TNC: variants seen among roughly 807,000 people sequenced by gnomAD.
TNC encodes the protein tenascin.
TNC carries 109 observed loss-of-function variants against 202.4 expected under a neutral mutation model. That is an observed-to-expected ratio of 0.54 (90% CI 0.46 to 0.63). The LOEUF (loss-of-function observed/expected upper bound fraction) is 0.63. Ranked by LOEUF, TNC falls within the 30% of genes least tolerant of loss-of-function variation. The pLI is 0.00. For missense variants in TNC, 2,756 were observed against 2,833.3 expected, an observed-to-expected ratio of 0.97 and a Z score of 0.62; for synonymous variants, 1,007 against 1,089.7, an observed-to-expected ratio of 0.92 and a Z score of 1.50.
rs144478888 is a variant in TNC, at chr9:115,084,140, C to T, written c.2131+69G>A. 2.4e-5 allele frequency: 37 copies of T among 1,529,654 alleles called. No homozygotes were observed. The East Asian group carries it at 5.4e-4, about 22-fold the overall frequency. 94.8% of individuals were successfully genotyped at this position (1,529,654 alleles called of 1,614,324 possible). ...AACTATAGGATTGTAGGGGCCGTGG[C>T]GAGGGAGGGTTATACACTGGGTGGG... is the stretch of plus-strand genomic sequence containing the variant. On this transcript the variant is annotated intron_variant, in intron 4 of 27. Coordinates refer to ENST00000350763, the MANE Select transcript of TNC (RefSeq NM_002160.4).
chr9:115,051,388 T>A (rs1831640437), intron 15 of TNC, among the ~76,000 whole-genome samples: 1 of 152,128 alleles, frequency 6.6e-6, no homozygotes, highest in Non-Finnish European at 1.5e-5. Flanking sequence ...AGCTGAGATA[T>A]ACAACCAGGT....
At position 115,084,291 on chromosome 9, in the gene TNC, C is replaced by A. The variant is rs2274836; in HGVS notation, c.2049G>T (p.Glu683Asp). 8 of 1,613,864 alleles carry A rather than the reference C, an allele frequency of 5.0e-6. No individual in the cohort carries two copies. The highest frequency in any genetic ancestry group is 4.5e-5 in the East Asian group (2 of 44,844). Residue 683 changes from glutamate (E) to aspartate (D), a missense_variant, in exon 4 of 28, where the codon GAG becomes GAT. By Grantham distance (45) the Glu-to-Asp change is conservative (BLOSUM62 2). Around this residue, in one of 2 missense-constraint regions of TNC, gnomAD observed 2,559 missense variants for 2,546.0 expected, o/e 1.01. Transcript: ENST00000350763. Reference sequence around the variant, plus strand: ...CACGGATAAAGTACTCCACACCAGGCTCCAGCTCCTGGATGATGGTGGACG... The same window carrying A: ...CACGGATAAAGTACTCCACACCAGGATCCAGCTCCTGGATGATGGTGGACG... ...DQTSTIIQEL[E>D]PGVEYFIRVF...
intron 6 of TNC, among the ~76,000 whole-genome samples, chr9:115,080,799 C>G (rs1261942996): frequency 6.6e-6 from 1 of 151,652 alleles, no homozygotes; most frequent in African/African-American, 2.4e-5. Context: ...GTAATCCCAG[C>G]TACTTGGGAG....
chr9:115,112,318 T>C, intron 1 of TNC, among the ~76,000 whole-genome samples: 1 of 152,186 alleles, frequency 6.6e-6, no homozygotes, highest in East Asian at 1.9e-4. Flanking sequence ...TATGCTAACC[T>C]AGGCCAGCAA....
At chr9:115,053,479 G>T (rs1316830626) in intron 15 of TNC, among the ~76,000 whole-genome samples, 1 of 152,180 alleles carries the variant, frequency 6.6e-6, no homozygotes, top group Non-Finnish European at 1.5e-5. Flanking sequence ...CACAAGGTGG[G>T]TTTGCATTTT....
chr9:115,034,749 A>G (rs1830192449), intron 22 of TNC, among the ~76,000 whole-genome samples: 2 of 152,250 alleles, frequency 1.3e-5, no homozygotes, highest in Non-Finnish European at 2.9e-5. Flanking sequence ...TAAAAGAAAG[A>G]AAATTCTTGG....
chr9:115,095,136 A>G (rs1348013179), intron 1 of TNC, among the ~76,000 whole-genome samples: 2 of 152,138 alleles, frequency 1.3e-5, no homozygotes, highest in African/African-American at 2.4e-5. Flanking sequence ...ACCATAAGCC[A>G]GAGTACTGTC....
intron 15 of TNC, among the ~76,000 whole-genome samples, chr9:115,054,534 C>A (rs1329870504): frequency 6.6e-6 from 1 of 152,160 alleles, no homozygotes; most frequent in African/African-American, 2.4e-5. Flanking sequence ...ACTATCAATG[C>A]CAACAGATTC....
chr9:115,038,352 T>A lies in TNC; in HGVS notation c.5421A>T (p.Thr1807=). 6.2e-7 allele frequency: 1 copy of A among 1,614,180 alleles called. No individual in the cohort carries two copies. The part of the protein sequence containing the change: ...TALDGPSGLV[T]ANITDSEALA... The stretch of plus-strand genomic sequence containing the variant: ...AGGCTTCTGAGTCAGTGATGTTGGC[T>A]GTCACCAGGCCAGATGGGCCATCCA... Residue 1807 remains threonine, a synonymous_variant, in exon 20 of 28, where the codon ACA becomes ACT. Transcript: ENST00000350763.
intron 24 of TNC, 85 bp downstream of exon 24, chr9:115,030,169 G>T (rs1304130262): frequency 4.3e-6 from 6 of 1,396,714 alleles, no homozygotes; most frequent in Non-Finnish European, 5.8e-6. Context: ...TGCATCAGGA[G>T]GAGATCACCC....
intron 1 of TNC, among the ~76,000 whole-genome samples, chr9:115,093,944 C>T (rs1835423301): frequency 1.3e-5 from 2 of 152,040 alleles, no homozygotes; most frequent in African/African-American, 2.4e-5. Flanking sequence ...TGTTTTTGTA[C>T]TTTGGGAAAA....
intron 20 of TNC, among the ~76,000 whole-genome samples, chr9:115,038,030 G>T (rs1830459740): frequency 6.6e-6 from 1 of 152,168 alleles, no homozygotes; most frequent in East Asian, 1.9e-4. Context: ...GGAGGAATGG[G>T]CCAGGAAAAC....
At chr9:115,083,393 A>T (rs901284952) in intron 4 of TNC, among the ~76,000 whole-genome samples, 28 of 152,160 alleles carry the variant, frequency 1.8e-4, no homozygotes, top group African/African-American at 6.8e-4. Flanking sequence ...TTAAAGAAAA[A>T]TAGTCAGTGA....
intron 6 of TNC, among the ~76,000 whole-genome samples, chr9:115,079,000 C>T (rs1443415996): frequency 1.3e-5 from 2 of 152,174 alleles, no homozygotes; most frequent in African/African-American, 4.8e-5. Context: ...TTTAACCCGG[C>T]TTCAGTCAGG....
chr9:115,113,670 C>A (rs1837244458), intron 1 of TNC, among the ~76,000 whole-genome samples: 1 of 152,140 alleles, frequency 6.6e-6, no homozygotes, highest in African/African-American at 2.4e-5. Context: ...ATTTAAGTTA[C>A]CATGGCTATA....
chr9:115,061,182 A>G (rs1224358359), intron 13 of TNC, among the ~76,000 whole-genome samples: 2 of 152,356 alleles, frequency 1.3e-5, no homozygotes, highest in East Asian at 3.9e-4. Flanking sequence ...GTTGAAAGAT[A>G]TAGATACTTG....
At chr9:115,022,955 C>T (rs1392949339) in intron 27 of TNC, among the ~76,000 whole-genome samples, 5 of 151,660 alleles carry the variant, frequency 3.3e-5, no homozygotes, top group Non-Finnish European at 7.4e-5. Flanking sequence ...CAGGTCCCAA[C>T]ACCTGCTGCA....
chr9:115,113,729 G>A (rs1022179972), intron 1 of TNC, among the ~76,000 whole-genome samples: 3 of 152,172 alleles, frequency 2.0e-5, no homozygotes, highest in South Asian at 2.1e-4. Context: ...CTGAGACGAC[G>A]TGGCATGAAA....
intron 10 of TNC, among the ~76,000 whole-genome samples, chr9:115,065,269 A>G (rs1291158025): frequency 2.0e-5 from 3 of 151,942 alleles, no homozygotes; most frequent in African/African-American, 7.3e-5. Flanking sequence ...GTTGGTGGGC[A>G]CCTGTAATCC....
Sources: allele counts gnomAD v4.1 joint callset (sites outside exome capture counted in the v4.1 genomes callset), GRCh38; gene constraint gnomAD v4.1.1; regional missense constraint gnomAD v4.1.1; transcripts MANE v1.5; gene names NCBI Gene and HGNC (gene_info 2026-07-23, HGNC 2026-07-21).